The following PTCH1 variants were observed in gnomAD, a reference collection of about 807,000 sequenced individuals.
PTCH1 encodes the protein patched 1.
A neutral mutation model predicts 144.6 loss-of-function variants in PTCH1; 14 were observed. The observed-to-expected ratio is 0.10, with a 90% confidence interval of 0.06 to 0.15. PTCH1 has a LOEUF of 0.15. PTCH1 is among the 10% of genes least tolerant of loss of function. PTCH1 has a pLI of 1.00. For synonymous variants in PTCH1, 833 were observed against 793.6 expected (o/e 1.05, Z -0.83); for missense variants, 1,623 against 1,948.3 (o/e 0.83, Z 3.14).
Position 95,449,777 on chromosome 9 carries a change from A to C in PTCH1, c.3549+64T>G. ...GAGGCACCTAAGTATCGAAGTGAAG[A>C]GCGGCACAGGAAACACAGCATTCAG... is the stretch of plus-strand genomic sequence containing the variant. On this transcript the variant is annotated intron_variant, in intron 21 of 23. Transcript: ENST00000331920. The surrounding 1 kb of genome is among the most constrained non-coding windows in gnomAD (Gnocchi z 5.3). The C allele has an allele frequency of 7.0e-7, 1 of 1,434,266 alleles. No individual in the cohort carries two copies. The allele number at this position is 1,434,266 out of a possible 1,614,324, so 88.8% of individuals were successfully genotyped here.
At chr9:95,516,413 G>C (rs529590422) in intron 1 of PTCH1, 1 of 1,314,170 alleles carries the variant, frequency 7.6e-7, no homozygotes, top group African/African-American at 1.6e-5. Flanking sequence ...GCCGCCCGAG[G>C]AGCACGGCGC....
upstream of PTCH1, among the ~76,000 whole-genome samples, chr9:95,512,898 G>A (rs932849329): frequency 1.3e-5 from 2 of 152,206 alleles, no homozygotes; most frequent in Non-Finnish European, 2.9e-5. Flanking sequence ...ACAGCTGAGT[G>A]TTCCATTTCC....
rs587778627 is a variant in PTCH1, at chr9:95,508,258, C to T, written c.104G>A (p.Arg35Gln). Residue 35 changes from arginine (R) to glutamine (Q), a missense_variant, in exon 1 of 24, where the codon CGG (arginine) becomes CAG (glutamine). Around this residue, in one of 7 missense-constraint regions of PTCH1, gnomAD observed 245 missense variants for 240.6 expected, o/e 1.02. Transcript: ENST00000331920. ...GGCAGCACGGCGCAGCCCCCCCGTC[C>T]GTCTGCGCCTCCCGCCTCCAGCCGG... ...GRPAGGGRRR[R>Q]TGGLRRAAAP... is the part of the protein sequence containing the mutation. The T allele has an allele frequency of 2.1e-5, 33 of 1,592,782 alleles. No individual in the cohort carries two copies. The highest frequency in any genetic ancestry group is 2.4e-5 in the Non-Finnish European group (28 of 1,172,062).
chr9:95,497,967 G>A (rs112805302), intron 2 of PTCH1, among the ~76,000 whole-genome samples: 3,893 of 140,042 alleles, frequency 0.028, 189 homozygotes, highest in African/African-American at 0.099. Flanking sequence ...CTCGTGGCAC[G>A]GAGTGGTGTT....
intron 2 of PTCH1, among the ~76,000 whole-genome samples, chr9:95,501,068 C>T (rs903990995): frequency 1.3e-5 from 2 of 152,214 alleles, no homozygotes; most frequent in African/African-American, 4.8e-5. Context: ...AATACTCTTG[C>T]ATCTCTGCAA....
chr9:95,466,913 C>A (rs529339635), intron 15 of PTCH1, among the ~76,000 whole-genome samples: 1 of 152,360 alleles, frequency 6.6e-6, no homozygotes, highest in South Asian at 2.1e-4. Flanking sequence ...TCTGAATTAT[C>A]TGCATCATTT....
intron 22 of PTCH1, among the ~76,000 whole-genome samples, chr9:95,448,152 T>G (rs1322017792): frequency 6.6e-6 from 1 of 152,164 alleles, no homozygotes; most frequent in Admixed American, 6.5e-5. Context: ...CGTGACCAAC[T>G]TCAAAGTCGT....
At chr9:95,471,699 G>C (rs1042152635) in intron 12 of PTCH1, among the ~76,000 whole-genome samples, 18 of 152,174 alleles carry the variant, frequency 1.2e-4, no homozygotes, top group Non-Finnish European at 1.9e-4. Context: ...TGGAGGGGTG[G>C]TCAGTCAAGG....
Position 95,508,246 on chromosome 9 carries a change from A to G in PTCH1, c.116T>C (p.Leu39Pro), listed in dbSNP as rs768063889. The G allele has an allele frequency of 1.2e-6, 2 of 1,605,146 alleles. No individual in the cohort carries two copies. Among genetic ancestry groups the G allele is most frequent in the African/African-American group, 2.7e-5 (2 of 74,686 alleles). ...GGGRRRRTGGLRRAAAPDRDY... is the reference protein window; with the variant it reads ...GGGRRRRTGGPRRAAAPDRDY... ...CCGGTCCGGCGCGGCAGCACGGCGC[A>G]GCCCCCCCGTCCGTCTGCGCCTCCC... Residue 39 changes from leucine (L) to proline (P), a missense_variant, in exon 1 of 24, where the codon CTG becomes CCG. By Grantham distance (98) the Leu-to-Pro change is moderately conservative. This residue lies in a region of PTCH1 where 245 missense variants were observed against 240.6 expected (regional missense o/e 1.02). Transcript: ENST00000331920.
intron 2 of PTCH1, among the ~76,000 whole-genome samples, chr9:95,487,422 A>C (rs1842055228): frequency 6.6e-6 from 1 of 152,234 alleles, no homozygotes; most frequent in South Asian, 2.1e-4. Flanking sequence ...ACTGGGAAAC[A>C]ACTTGCACAG....
intron 2 of PTCH1, among the ~76,000 whole-genome samples, chr9:95,500,323 A>G (rs1843066392): frequency 6.6e-6 from 1 of 152,144 alleles, no homozygotes. Context: ...CCTGAGGGCT[A>G]TTTGTTCTTT....
intron 2 of PTCH1, among the ~76,000 whole-genome samples, chr9:95,492,577 T>C (rs1391563224): frequency 2.0e-5 from 3 of 152,054 alleles, no homozygotes; most frequent in African/African-American, 7.2e-5. Flanking sequence ...ACAAATTTCA[T>C]GTTTAGAGTT....
rs1475104826 is a variant in PTCH1, at chr9:95,487,290, T to G, written c.395-1416A>C. On this transcript the variant is annotated intron_variant, in intron 2 of 23. Coordinates refer to ENST00000331920, the MANE Select transcript of PTCH1 (RefSeq NM_000264.5). ...TGTGGGGTCGGGAAGGAGGGAGGAATATATCAGTTGGTTAATAAAAAGGAA... is the reference window on the plus strand; with the variant it reads ...TGTGGGGTCGGGAAGGAGGGAGGAAGATATCAGTTGGTTAATAAAAAGGAA... Among the ~76,000 whole-genome samples the G allele has an allele frequency of 6.6e-5, 10 of 152,150 alleles. No individual in the cohort carries two copies. The South Asian group carries it at 1.9e-3, about 28-fold the overall frequency.
chr9:95,445,434 A>G lies in PTCH1; in HGVS notation c.*959T>C, dbSNP rs1407543663. On this transcript the variant is annotated 3_prime_UTR_variant, in exon 24 of 24. Transcript: ENST00000331920. ...GTCACCGAATTCTCTAACACCCACCATGATGAACTGATGTGAGCTCCATAC... is the reference window on the plus strand; with the variant it reads ...GTCACCGAATTCTCTAACACCCACCGTGATGAACTGATGTGAGCTCCATAC... 1 of 152,226 alleles carries G rather than the reference A, an allele frequency of 6.6e-6. No individual in the cohort carries two copies. Among genetic ancestry groups the G allele is most frequent in the Non-Finnish European group, 1.5e-5 (1 of 68,076 alleles). The allele number at this position is 152,226 out of a possible 1,614,324, so 9.4% of individuals were successfully genotyped here. A position where few individuals can be genotyped will look rare whatever the true frequency, so the allele number is the denominator to read the frequency against.
At chr9:95,488,219 GTA>G (rs1468379592) in intron 2 of PTCH1, among the ~76,000 whole-genome samples, 1 of 152,150 alleles carries the variant, frequency 6.6e-6, no homozygotes, top group Non-Finnish European at 1.5e-5. Flanking sequence ...GTTTTAAGAT[GTA>G]TATTTACATA....
rs1837735449 is a variant in PTCH1 at position 95,444,642 on chromosome 9, A to T, written c.*1751T>A. ...GGGGGCCCATTACCTTTCTGTTAAG[A>T]TTTCCCAGGTAATTTAAAAGGGAGT... On this transcript the variant is annotated 3_prime_UTR_variant, in exon 24 of 24. Transcript: ENST00000331920. 1 of 152,272 alleles carries T rather than the reference A, an allele frequency of 6.6e-6. No homozygotes were observed. The highest frequency in any genetic ancestry group is 6.5e-5 in the Admixed American group (1 of 15,282). The allele number at this position is 152,272 out of a possible 1,614,324, so 9.4% of individuals were successfully genotyped here.
chr9:95,456,284 C>T lies in PTCH1; in HGVS notation c.3298G>A (p.Val1100Ile), dbSNP rs577110118. The T allele has an allele frequency of 1.5e-5, 24 of 1,613,814 alleles. No homozygotes were observed. The highest frequency in any genetic ancestry group is 5.0e-5 in the Admixed American group (3 of 60,034). Residue 1100 changes from valine to isoleucine, a missense_variant, in exon 19 of 24, where the codon GTT (valine) becomes ATT (isoleucine). Physicochemically the swap from Val to Ile is conservative, Grantham distance 29. Around this residue, in one of 7 missense-constraint regions of PTCH1, gnomAD observed 504 missense variants for 679.3 expected, o/e 0.74. Coordinates refer to ENST00000331920, the MANE Select transcript of PTCH1 (RefSeq NM_000264.5). ...TCAAATGTCTCCCATACCAAAGCAA[C>T]GTGAACGGTGAACTCCACTCCTATG... The part of the protein sequence containing the change: ...VGIGVEFTVH[V>I]ALAFLTAIGD...
chr9:95,507,508 T>C, intron 1 of PTCH1: 1 of 929,740 alleles, frequency 1.1e-6, no homozygotes, highest in Non-Finnish European at 1.3e-6. Context: ...TGGCAATTTG[T>C]TTACAACTTT....
At chr9:95,465,756 G>A (rs1839944359) in intron 15 of PTCH1, among the ~76,000 whole-genome samples, 1 of 152,236 alleles carries the variant, frequency 6.6e-6, no homozygotes, top group African/African-American at 2.4e-5. Flanking sequence ...GCCTAATTAA[G>A]TGGGAAATTA....
Sources: gnomAD v4.1 joint callset for allele counts (sites outside exome capture counted in the v4.1 genomes callset) on GRCh38, gnomAD v4.1.1 for gene constraint, gnomAD v4.1.1 regional missense constraint, Gnocchi (gnomAD v3.1) non-coding constraint, MANE v1.5 for transcripts, NCBI Gene and HGNC (gene_info 2026-07-23, HGNC 2026-07-21) for gene names.